LIMS1: variants seen among roughly 807,000 people sequenced by gnomAD.
LIMS1 encodes LIM zinc finger domain containing 1.
Under a neutral mutation model 44.1 loss-of-function variants are expected in LIMS1, and 18 were observed. The ratio of observed to expected loss-of-function variants is 0.41; its 90% CI spans 0.28 to 0.61. LIMS1 has a LOEUF of 0.61. Ranked by LOEUF, LIMS1 falls within the 20% of genes least tolerant of loss-of-function variation. The pLI, the probability that LIMS1 is intolerant of heterozygous loss-of-function variation, is 0.32. For synonymous variants in LIMS1, 93 were observed against 149.1 expected, an observed-to-expected ratio of 0.62 and a Z score of 2.74; for missense variants, 201 against 422.0, an observed-to-expected ratio of 0.48 and a Z score of 4.59.
At chr2:108,619,449 C>T (rs777110180) in intron 1 of LIMS1, among the ~76,000 whole-genome samples, 2 of 151,546 alleles carry the variant, frequency 1.3e-5, no homozygotes, top group African/African-American at 2.4e-5. Flanking sequence ...TTTGGGAGGC[C>T]GAGGCAGTTC....
chr2:108,650,645 C>CA (rs747677370), intron 1 of LIMS1, among the ~76,000 whole-genome samples: 1 of 152,048 alleles, frequency 6.6e-6, no homozygotes, highest in African/African-American at 2.4e-5. Flanking sequence ...GGCCAAATCT[C>CA]AAACTCCTGA....
intron 1 of LIMS1, among the ~76,000 whole-genome samples, chr2:108,536,495 G>GT (rs1380548652): frequency 6.6e-6 from 1 of 152,246 alleles, no homozygotes; most frequent in Non-Finnish European, 1.5e-5. Flanking sequence ...ATGTACAGCA[G>GT]TTTAACTGTT....
At chr2:108,627,909 C>T (rs1215931251) in intron 1 of LIMS1, among the ~76,000 whole-genome samples, 2 of 152,206 alleles carry the variant, frequency 1.3e-5, no homozygotes, top group Admixed American at 1.3e-4. Flanking sequence ...TTTCCTAGGG[C>T]TGCCATCACC....
rs556128321 is a variant in LIMS1 at position 108,558,456 on chromosome 2, G to C, written c.32+23862G>C. On this transcript the variant is annotated intron_variant, in intron 1 of 9. Transcript: ENST00000544547. The stretch of plus-strand genomic sequence containing the variant: ...GATCTCCTGACCTCGTGATCCGCCT[G>C]CCTCAGCCTCCCAAAGTGCTGGGAT... 8.6e-5 allele frequency among the ~76,000 whole-genome samples: 13 copies of C among 151,992 alleles called. No individual in the cohort carries two copies. In the East Asian group the frequency reaches 2.5e-3, roughly 29 times the overall value.
chr2:108,637,247 G>A (rs777071948), intron 1 of LIMS1, among the ~76,000 whole-genome samples: 15 of 151,824 alleles, frequency 9.9e-5, no homozygotes, highest in African/African-American at 1.5e-4. Context: ...AAAATAACGG[G>A]CAGTGAAAGA....
chr2:108,556,789 C>T (rs1028799745), intron 1 of LIMS1, among the ~76,000 whole-genome samples: 1 of 152,082 alleles, frequency 6.6e-6, no homozygotes, highest in African/African-American at 2.4e-5. Flanking sequence ...GCAGTCATGC[C>T]CCAGGCACAG....
At chr2:108,627,830 A>G (rs964440395) in intron 1 of LIMS1, among the ~76,000 whole-genome samples, 1 of 152,212 alleles carries the variant, frequency 6.6e-6, no homozygotes, top group African/African-American at 2.4e-5. Context: ...ATCTTCTTTT[A>G]GAAGTAATTA....
chr2:108,629,295 A>T (rs558048583), intron 1 of LIMS1, among the ~76,000 whole-genome samples: 1 of 152,350 alleles, frequency 6.6e-6, no homozygotes, highest in Non-Finnish European at 1.5e-5. Context: ...GAAGATGTAT[A>T]GGATTGTTTC....
At chr2:108,668,877 G>A (rs1163467791) in intron 2 of LIMS1, among the ~76,000 whole-genome samples, 1 of 152,156 alleles carries the variant, frequency 6.6e-6, no homozygotes, top group Non-Finnish European at 1.5e-5. Flanking sequence ...TTATAATGTA[G>A]TATGGCATAG....
chr2:108,642,335 GTTTTTTGT>G (rs1689727704), intron 1 of LIMS1, among the ~76,000 whole-genome samples: 9 of 34,144 alleles, frequency 2.6e-4, no homozygotes, highest in Non-Finnish European at 4.9e-4. Flanking sequence ...AGCTACTAGT[GTTTTTTGT>G]TTTTTTTTTT....
rs200954030 is a variant in LIMS1, at chr2:108,659,748, A to C, written c.176A>C (p.Glu59Ala). 6.8e-6 allele frequency: 11 copies of C among 1,612,238 alleles called. No individual in the cohort carries two copies. Among genetic ancestry groups the C allele is most frequent in the Non-Finnish European group, 3.4e-6 (4 of 1,179,876 alleles). ...GCTCAGTGCTTCCAGCAGTTCCCAG[A>C]AGGACTCTTCTATGAGGTGAGTTGC... The change falls in exon 2 of 10, where the codon GAA becomes GCA. Residue 59 changes from glutamate to alanine, a missense_variant. Glu to Ala is a moderately radical substitution (Grantham distance 107). This residue lies in a region of LIMS1 where 101 missense variants were observed against 215.2 expected (regional missense o/e 0.47). Coordinates refer to ENST00000544547, the Ensembl canonical transcript of LIMS1.
chr2:108,579,395 C>G (rs575661770), intron 1 of LIMS1, among the ~76,000 whole-genome samples: 107 of 152,258 alleles, frequency 7.0e-4, no homozygotes, highest in African/African-American at 2.5e-3. Flanking sequence ...GAACTTATTA[C>G]TAGTCTGTAT....
chr2:108,578,633 G>A (rs2104649338), intron 1 of LIMS1, among the ~76,000 whole-genome samples: 2 of 142,344 alleles, frequency 1.4e-5, no homozygotes, highest in South Asian at 4.5e-4. Context: ...TCTCACTGTG[G>A]CCCAGGCTAG....
At chr2:108,555,360 CAGAA>C (rs936941299) in intron 1 of LIMS1, among the ~76,000 whole-genome samples, 11 of 152,186 alleles carry the variant, frequency 7.2e-5, no homozygotes, top group African/African-American at 2.7e-4. Context: ...AGCAGAAAGA[CAGAA>C]GGAACCTGCA....
At chr2:108,631,468 T>C (rs778353874) in intron 1 of LIMS1, among the ~76,000 whole-genome samples, 53 of 152,182 alleles carry the variant, frequency 3.5e-4, no homozygotes, top group South Asian at 8.3e-4. Context: ...GGAGGATTTA[T>C]TGTGTTTCAT....
chr2:108,541,048 TC>T (rs1377949639), intron 1 of LIMS1, among the ~76,000 whole-genome samples: 1 of 152,250 alleles, frequency 6.6e-6, no homozygotes, highest in Admixed American at 6.5e-5. Context: ...ATTACAGGTG[TC>T]CTGGATGTCA....
intron 1 of LIMS1, among the ~76,000 whole-genome samples, chr2:108,587,638 G>A (rs1225578713): frequency 6.6e-6 from 1 of 152,102 alleles, no homozygotes; most frequent in East Asian, 1.9e-4. Flanking sequence ...AGTGAATTCA[G>A]GCAAGGACAC....
chr2:108,669,573 G>T (rs1165130693), intron 2 of LIMS1, among the ~76,000 whole-genome samples: 1 of 152,094 alleles, frequency 6.6e-6, no homozygotes, highest in African/African-American at 2.4e-5. Flanking sequence ...CATTAAAAAT[G>T]GATATCATTA....
rs1558808898 is a variant in LIMS1 at position 108,611,931 on chromosome 2, T to TATATTATATATAC, written c.33-47673_33-47672insTATTATATATACA. On this transcript the variant is annotated intron_variant, in intron 1 of 9. Transcript: ENST00000544547. ...TATACACACATATAAAATATATATA[T>TATATTATATATAC]ACATATATAAAATATATATACATAT... is the stretch of plus-strand genomic sequence containing the variant. Among the ~76,000 whole-genome samples the TATATTATATATAC allele has an allele frequency of 1.6e-4, 11 of 67,752 alleles. No individual in the cohort carries two copies. In the East Asian group the frequency reaches 6.3e-3, roughly 39 times the overall value. 44.4% of individuals were successfully genotyped at this position (67,752 alleles called of 152,430 possible). A position where few individuals can be genotyped will look rare whatever the true frequency, so the allele number is the denominator to read the frequency against.
Sources: gnomAD v4.1 joint callset for allele counts (sites outside exome capture counted in the v4.1 genomes callset) on GRCh38, gnomAD v4.1.1 for gene constraint, gnomAD v4.1.1 regional missense constraint, MANE v1.5 for transcripts, NCBI Gene and HGNC (gene_info 2026-07-23, HGNC 2026-07-21) for gene names.